Variants in NINL observed in about 807,000 individuals in gnomAD.
NINL encodes the protein ninein like.
Under a neutral mutation model 160.3 loss-of-function variants are expected in NINL, and 153 were observed. That is an observed-to-expected ratio of 0.95 (90% confidence interval 0.84 to 1.09). The LOEUF (loss-of-function observed/expected upper bound fraction) is 1.09. Among genes scored for constraint, NINL ranks in the 50% least tolerant of loss-of-function variants. NINL has a pLI of 0.00. For synonymous variants in NINL, 800 were observed against 734.8 expected, an observed-to-expected ratio of 1.09 and a Z score of -1.43; for missense variants, 1,829 against 1,764.0, an observed-to-expected ratio of 1.04 and a Z score of -0.66.
Position 25,526,028 on chromosome 20 carries a change from C to T in NINL, c.180+380G>A, listed in dbSNP as rs533111345. Among the ~76,000 whole-genome samples, 11 of 152,346 alleles carry T rather than the reference C, an allele frequency of 7.2e-5. No individual in the cohort carries two copies. In the South Asian group the frequency reaches 1.7e-3, roughly 23 times the overall value. On this transcript the variant is annotated intron_variant, in intron 2 of 23. Transcript: ENST00000278886. The stretch of plus-strand genomic sequence containing the variant: ...TGTGAAATTGTGTAAGACAATCTGC[C>T]TTCAAGGGACTGTGACGCTCTCTCT...
chr20:25,484,040 G>A (rs1018852764), intron 13 of NINL, among the ~76,000 whole-genome samples: 1 of 152,196 alleles, frequency 6.6e-6, no homozygotes, highest in African/African-American at 2.4e-5. Flanking sequence ...CTGTGATGAA[G>A]CCCAAAGTAG....
In NINL at chr20:25,489,879, T is replaced by C; in HGVS notation, c.1592A>G (p.Asp531Gly). 2.5e-6 allele frequency: 4 copies of C among 1,614,112 alleles called. No homozygotes were observed. Among genetic ancestry groups the C allele is most frequent in the Non-Finnish European group, 3.4e-6 (4 of 1,179,966 alleles). Residue 531 changes from aspartate to glycine, a missense_variant, in exon 12 of 24, where the codon GAC becomes GGC. Transcript: ENST00000278886. ...LQKDLEFVLK[D>G]KLEPQSAELL... is the part of the protein sequence containing the mutation. ...ACTGTCAGCAAAGGGACTCGCCTTG[T>C]CCTTCAGCACAAACTCCAGGTCCTT...
chr20:25,506,143 T>C (rs2063957834), intron 5 of NINL, among the ~76,000 whole-genome samples: 1 of 152,034 alleles, frequency 6.6e-6, no homozygotes, highest in African/African-American at 2.4e-5. Context: ...CCGCCTGGAA[T>C]CCCAGCTACT....
At chr20:25,458,332 C>T in intron 22 of NINL, 51 bp downstream of exon 22, 4 of 1,600,122 alleles carry the variant, frequency 2.5e-6, no homozygotes, top group Non-Finnish European at 2.5e-6. Flanking sequence ...GTGGGCCCGC[C>T]TCACCCTCCT....
At chr20:25,555,872 A>G (rs554866884) in intron 1 of NINL, among the ~76,000 whole-genome samples, 1 of 152,144 alleles carries the variant, frequency 6.6e-6, no homozygotes, top group South Asian at 2.1e-4. Context: ...ACAGGGTTTC[A>G]CCACATTGGC....
chr20:25,529,002 T>C (rs400070), intron 1 of NINL, among the ~76,000 whole-genome samples: 19,310 of 152,214 alleles, frequency 0.13, 2,348 homozygotes, highest in African/African-American at 0.32. Context: ...GTACGGAAGT[T>C]GGAGTCAGAA....
chr20:25,521,708 T>C (rs529949101), intron 2 of NINL, among the ~76,000 whole-genome samples: 1 of 152,332 alleles, frequency 6.6e-6, no homozygotes, highest in South Asian at 2.1e-4. Flanking sequence ...CCTACAGGTC[T>C]TACCCTTCAG....
intron 16 of NINL, among the ~76,000 whole-genome samples, chr20:25,478,250 A>G (rs1389421122): frequency 1.3e-5 from 2 of 152,082 alleles, no homozygotes; most frequent in African/African-American, 4.8e-5. Flanking sequence ...ATCCGGCCGG[A>G]AAGATGACTT....
chr20:25,464,577 CTA>C (rs1220932437), intron 19 of NINL, among the ~76,000 whole-genome samples: 1 of 152,228 alleles, frequency 6.6e-6, no homozygotes, highest in Non-Finnish European at 1.5e-5. Flanking sequence ...GCTTTGCCCC[CTA>C]CACACACAGG....
chr20:25,473,727 G>C (rs935423053), intron 17 of NINL, among the ~76,000 whole-genome samples: 2 of 150,388 alleles, frequency 1.3e-5, no homozygotes, highest in Non-Finnish European at 3.0e-5. Context: ...CATCAGCTGG[G>C]CATGGTGGTG....
intron 5 of NINL, among the ~76,000 whole-genome samples, chr20:25,510,026 T>TA (rs1396150832): frequency 6.6e-6 from 1 of 152,218 alleles, no homozygotes; most frequent in African/African-American, 2.4e-5. Flanking sequence ...CTCCTGCATG[T>TA]AGCTTATCTT....
chr20:25,485,456 A>C (rs1054318648), intron 13 of NINL, among the ~76,000 whole-genome samples: 10 of 152,250 alleles, frequency 6.6e-5, no homozygotes, highest in African/African-American at 2.4e-4. Flanking sequence ...AACGGGAGGA[A>C]GTGTTTCTTA....
chr20:25,530,423 C>G (rs1054475591), intron 1 of NINL, among the ~76,000 whole-genome samples: 2 of 152,102 alleles, frequency 1.3e-5, no homozygotes, highest in East Asian at 1.9e-4. Flanking sequence ...TAAGTATTCT[C>G]AGAGAGAGAC....
Position 25,476,341 on chromosome 20 carries a change from G to C in NINL, c.2950C>G (p.Arg984Gly), listed in dbSNP as rs375277470. The change falls in exon 17 of 24, where the codon CGA becomes GGA. Residue 984 changes from arginine (R) to glycine (G), a missense_variant. By Grantham distance (125) the Arg-to-Gly change is moderately radical (BLOSUM62 -2). Coordinates refer to ENST00000278886, the MANE Select transcript of NINL (RefSeq NM_025176.6). Reference protein sequence around the residue: ...RLQAIQEERARSWSRGTQEQA... With the variant: ...RLQAIQEERAGSWSRGTQEQA... The stretch of plus-strand genomic sequence containing the variant: ...TCCTGGGTGCCCCTGCTCCAGCTTC[G>C]TGCTCGCTCTTCCTGAATGGCCTGT... 6.2e-7 allele frequency: 1 copy of C among 1,612,496 alleles called. No individual in the cohort carries two copies. The highest frequency in any genetic ancestry group is 8.5e-7 in the Non-Finnish European group (1 of 1,179,918).
intron 1 of NINL, among the ~76,000 whole-genome samples, chr20:25,552,597 G>A (rs936871519): frequency 6.6e-6 from 1 of 152,196 alleles, no homozygotes; most frequent in Non-Finnish European, 1.5e-5. Context: ...TCGCCCTTCT[G>A]TCTAAATCAC....
intron 1 of NINL, among the ~76,000 whole-genome samples, chr20:25,534,015 AG>A (rs2064513786): frequency 6.6e-6 from 1 of 152,206 alleles, no homozygotes; most frequent in East Asian, 1.9e-4. Flanking sequence ...CTGCGGGGCC[AG>A]GATGGTGGGA....
intron 1 of NINL, among the ~76,000 whole-genome samples, chr20:25,575,475 A>G (rs2065104820): frequency 6.7e-6 from 1 of 148,978 alleles, no homozygotes; most frequent in Non-Finnish European, 1.5e-5. Context: ...AGAATAGGCC[A>G]GGTGTGGTGG....
At chr20:25,521,146 T>C (rs2064256322) in intron 2 of NINL, among the ~76,000 whole-genome samples, 1 of 152,240 alleles carries the variant, frequency 6.6e-6, no homozygotes, top group Non-Finnish European at 1.5e-5. Context: ...TACCACCTCT[T>C]TTTATATCTT....
chr20:25,519,709 A>T lies in NINL; in HGVS notation c.181-1860T>A, dbSNP rs564412839. 2.6e-5 allele frequency among the ~76,000 whole-genome samples: 4 copies of T among 152,288 alleles called. No individual in the cohort carries two copies. In the East Asian group the frequency reaches 7.7e-4, roughly 29 times the overall value. On this transcript the variant is annotated intron_variant, in intron 2 of 23. Transcript: ENST00000278886. ...TAACACGAATGTATCTCAGAGACATACTATGGAGTAAAGAAGCCAGAGAAT... is the reference window on the plus strand; with the variant it reads ...TAACACGAATGTATCTCAGAGACATTCTATGGAGTAAAGAAGCCAGAGAAT...
Sources: gnomAD v4.1 joint callset for allele counts (sites outside exome capture counted in the v4.1 genomes callset) on GRCh38, gnomAD v4.1.1 for gene constraint, MANE v1.5 for transcripts, NCBI Gene and HGNC (gene_info 2026-07-23, HGNC 2026-07-21) for gene names.